TMEM108: variants seen among roughly 807,000 people sequenced by gnomAD.
TMEM108 encodes cancer/testis antigen 124.
In TMEM108, 12 loss-of-function variants were observed where a neutral mutation model predicts 35.1. The observed-to-expected ratio is 0.34, with a 90% CI of 0.22 to 0.55. The LOEUF (loss-of-function observed/expected upper bound fraction) is 0.55. Among genes scored for constraint, TMEM108 ranks in the 20% least tolerant of loss-of-function variants. The pLI, the probability that TMEM108 is intolerant of heterozygous loss-of-function variation, is 0.89. For synonymous variants in TMEM108, 287 were observed against 308.6 expected, an observed-to-expected ratio of 0.93 and a Z score of 0.73; for missense variants, 680 against 753.3, an observed-to-expected ratio of 0.90 and a Z score of 1.14.
At chr3:133,116,577 C>G (rs1385667416) in intron 2 of TMEM108, among the ~76,000 whole-genome samples, 3 of 152,080 alleles carry the variant, frequency 2.0e-5, no homozygotes, top group African/African-American at 7.2e-5. Flanking sequence ...TAAGTTATCT[C>G]TAAGATGCCT....
chr3:133,203,734 A>G lies in TMEM108; in HGVS notation c.-46-25532A>G, dbSNP rs116023514. Reference sequence around the variant, plus strand: ...GAGGATTTTCGCGTTGACCTTCATCAGGGATATTGGCCTGAAATGTTCTTT... The same window carrying G: ...GAGGATTTTCGCGTTGACCTTCATCGGGGATATTGGCCTGAAATGTTCTTT... On this transcript the variant is annotated intron_variant, in intron 2 of 5. Coordinates refer to ENST00000321871, the MANE Select transcript of TMEM108 (RefSeq NM_023943.4). Among the ~76,000 whole-genome samples the G allele has an allele frequency of 6.0e-3, 907 of 152,284 alleles. 9 individuals carry two copies. The highest frequency in any genetic ancestry group is 0.021 in the African/African-American group (866 of 41,530).
At chr3:133,383,268 A>C (rs1320790173) in intron 4 of TMEM108, among the ~76,000 whole-genome samples, 1 of 152,222 alleles carries the variant, frequency 6.6e-6, no homozygotes, top group Non-Finnish European at 1.5e-5. Flanking sequence ...AGCAGGAACA[A>C]GCAAACACAC....
chr3:133,315,288 A>G (rs886580224), intron 3 of TMEM108, among the ~76,000 whole-genome samples: 1 of 152,250 alleles, frequency 6.6e-6, no homozygotes, highest in Non-Finnish European at 1.5e-5. Context: ...GTGACCCGCA[A>G]TAAAGAGAAG....
At position 133,162,340 on chromosome 3, in the gene TMEM108, G is replaced by A. The variant is rs571819679; in HGVS notation, c.-46-66926G>A. ...TATTATTTTGTTTGCAACTACTTTA[G>A]GTTAGAAACTGGACCTAAAAGGGAA... On this transcript the variant is annotated intron_variant, in intron 2 of 5. Coordinates refer to ENST00000321871, the MANE Select transcript of TMEM108 (RefSeq NM_023943.4). Among the ~76,000 whole-genome samples the A allele has an allele frequency of 7.9e-4, 120 of 152,154 alleles. No individual in the cohort carries two copies. In the South Asian group the frequency reaches 0.025, roughly 31 times the overall value.
At chr3:133,126,543 A>G (rs1004404617) in intron 2 of TMEM108, among the ~76,000 whole-genome samples, 2 of 152,246 alleles carry the variant, frequency 1.3e-5, no homozygotes, top group South Asian at 2.1e-4. Context: ...GCATTGTCCA[A>G]TAAAAATGTA....
intron 3 of TMEM108, among the ~76,000 whole-genome samples, chr3:133,356,228 T>C (rs935088399): frequency 6.7e-6 from 1 of 149,806 alleles, no homozygotes; most frequent in African/African-American, 2.4e-5. Context: ...TTACAACAGC[T>C]GAAAAAAAAA....
intron 2 of TMEM108, among the ~76,000 whole-genome samples, chr3:133,212,795 G>A (rs954736168): frequency 7.3e-5 from 11 of 150,938 alleles, no homozygotes; most frequent in South Asian, 4.2e-4. Context: ...GAACTCGGGC[G>A]GCGGAGGTTG....
At chr3:133,212,187 C>T (rs1252426489) in intron 2 of TMEM108, among the ~76,000 whole-genome samples, 2 of 152,158 alleles carry the variant, frequency 1.3e-5, no homozygotes, top group East Asian at 1.9e-4. Context: ...CTCTCTAAAT[C>T]AGGAATTACA....
intron 2 of TMEM108, among the ~76,000 whole-genome samples, chr3:133,100,909 A>G (rs1440195599): frequency 1.3e-5 from 2 of 152,184 alleles, no homozygotes; most frequent in African/African-American, 2.4e-5. Flanking sequence ...TATTTTGTGT[A>G]TGTATCTAGA....
At chr3:133,052,181 CAT>C (rs1037260839) in intron 2 of TMEM108, among the ~76,000 whole-genome samples, 19 of 152,070 alleles carry the variant, frequency 1.2e-4, no homozygotes, top group Non-Finnish European at 2.4e-4. Context: ...TAGTTTTCCT[CAT>C]ATAGATCTTG....
intron 2 of TMEM108, among the ~76,000 whole-genome samples, chr3:133,141,100 A>G (rs1006932389): frequency 1.3e-5 from 2 of 152,200 alleles, no homozygotes; most frequent in South Asian, 2.1e-4. Flanking sequence ...GGTTAAAATC[A>G]TACCATTTAA....
chr3:133,182,291 A>G (rs1355877062), intron 2 of TMEM108, among the ~76,000 whole-genome samples: 1 of 152,172 alleles, frequency 6.6e-6, no homozygotes, highest in Non-Finnish European at 1.5e-5. Context: ...AAAAGATGAA[A>G]TTTTGTTTTG....
chr3:133,078,787 C>G (rs1330595570), intron 2 of TMEM108, among the ~76,000 whole-genome samples: 1 of 152,174 alleles, frequency 6.6e-6, no homozygotes, highest in African/African-American at 2.4e-5. Flanking sequence ...CTCTTTCCCT[C>G]TCTGATGCAC....
intron 2 of TMEM108, among the ~76,000 whole-genome samples, chr3:133,223,943 A>G (rs1395414804): frequency 6.6e-6 from 1 of 152,212 alleles, no homozygotes; most frequent in Non-Finnish European, 1.5e-5. Flanking sequence ...GCCCTGTGTA[A>G]CCCAGTTGAT....
At chr3:133,185,727 C>T (rs900098565) in intron 2 of TMEM108, among the ~76,000 whole-genome samples, 2 of 151,752 alleles carry the variant, frequency 1.3e-5, no homozygotes, top group African/African-American at 4.8e-5. Flanking sequence ...CAGGTGCCTC[C>T]ACTGCCTTTG....
chr3:133,178,729 C>T (rs377108504), intron 2 of TMEM108, among the ~76,000 whole-genome samples: 10,401 of 152,192 alleles, frequency 0.068, 389 homozygotes, highest in Non-Finnish European at 0.091. Flanking sequence ...TAGGCAATAC[C>T]ATTCAAGACA....
chr3:133,080,097 C>T (rs1943790523), intron 2 of TMEM108, among the ~76,000 whole-genome samples: 1 of 151,972 alleles, frequency 6.6e-6, no homozygotes, highest in African/African-American at 2.4e-5. Context: ...GTGCTGTATG[C>T]TAAAGTGAGC....
intron 2 of TMEM108, among the ~76,000 whole-genome samples, chr3:133,086,246 A>C (rs1943880415): frequency 2.6e-5 from 4 of 151,546 alleles, no homozygotes. Flanking sequence ...TCAGTGCCAG[A>C]TGTGTCTGGA....
At chr3:133,309,991 C>G (rs1266791998) in intron 3 of TMEM108, among the ~76,000 whole-genome samples, 1 of 152,110 alleles carries the variant, frequency 6.6e-6, no homozygotes, top group Non-Finnish European at 1.5e-5. Context: ...TGAGCCACCG[C>G]GCCCGGCCTT....
Sources: allele counts gnomAD v4.1 joint callset (sites outside exome capture counted in the v4.1 genomes callset), GRCh38; gene constraint gnomAD v4.1.1; transcripts MANE v1.5; gene names NCBI Gene and HGNC (gene_info 2026-07-23, HGNC 2026-07-21).